The following DNAJC10 variants were observed in gnomAD, a reference collection of about 807,000 sequenced individuals.
DNAJC10 encodes endoplasmic reticulum disulfide reductase DNAJC10.
In DNAJC10, 101 loss-of-function variants were observed where a neutral mutation model predicts 115.0. The ratio of observed to expected loss-of-function variants is 0.88; its 90% CI spans 0.75 to 1.04. The LOEUF (loss-of-function observed/expected upper bound fraction) is 1.04, where lower values mean the gene tolerates loss of function less well. DNAJC10 is among the 50% of genes least tolerant of loss of function. DNAJC10 has a pLI of 0.00. For missense variants in DNAJC10, 981 were observed against 928.8 expected (o/e 1.06, Z -0.73); for synonymous variants, 307 against 301.5 (o/e 1.02, Z -0.19).
chr2:182,769,757 C>T (rs1166143875), intron 22 of DNAJC10, among the ~76,000 whole-genome samples: 1 of 151,984 alleles, frequency 6.6e-6, no homozygotes, highest in Non-Finnish European at 1.5e-5. Flanking sequence ...ACATTTTCTC[C>T]CATTCTGTAG....
At chr2:182,726,935 T>C (rs1020559226) in intron 5 of DNAJC10, among the ~76,000 whole-genome samples, 2 of 152,032 alleles carry the variant, frequency 1.3e-5, no homozygotes, top group African/African-American at 4.8e-5. Flanking sequence ...TTTCCCAGGC[T>C]GGTCTCAAAC....
In DNAJC10 at chr2:182,777,498, C is replaced by T. The variant is rs1694738916; in HGVS notation, c.*366C>T. On this transcript the variant is annotated 3_prime_UTR_variant, in exon 24 of 24. Transcript: ENST00000264065. ...GATTCAGTCCATGGACCATAGATTG[C>T]TGTCCCCCTCGACGGACTTATAATG... is the stretch of plus-strand genomic sequence containing the variant. 1 of 158,190 alleles carries T rather than the reference C, an allele frequency of 6.3e-6. No individual in the cohort carries two copies. The highest frequency in any genetic ancestry group is 1.4e-5 in the Non-Finnish European group (1 of 72,026). The allele number at this position is 158,190 out of a possible 1,614,324, so 9.8% of individuals were successfully genotyped here.
Position 182,774,818 on chromosome 2 carries a change from C to A in DNAJC10, c.2266-498C>A, listed in dbSNP as rs1315261635. Reference sequence around the variant, plus strand: ...TTTGCACTTCCCGGGTGAGACAACACCCCCCCCAATCCCCGCCCTGGCGTC... The same window carrying A: ...TTTGCACTTCCCGGGTGAGACAACAACCCCCCCAATCCCCGCCCTGGCGTC... On this transcript the variant is annotated intron_variant, in intron 22 of 23. Transcript: ENST00000264065. Among the ~76,000 whole-genome samples the A allele has an allele frequency of 8.8e-4, 17 of 19,378 alleles. No individual in the cohort carries two copies. The East Asian group carries it at 0.013, about 14-fold the overall frequency. 12.7% of individuals were successfully genotyped at this position (19,378 alleles called of 152,430 possible).
At chr2:182,736,197 T>C in intron 10 of DNAJC10, 52 bp from the exon 11 acceptor site, 2 of 1,521,554 alleles carry the variant, frequency 1.3e-6, no homozygotes, top group Admixed American at 5.1e-5. Flanking sequence ...TAAATCCCTT[T>C]AACTTTTTGC....
At chr2:182,728,449 A>G (rs1224655834) in intron 5 of DNAJC10, 127 bp from the exon 6 acceptor site, 1 of 582,802 alleles carries the variant, frequency 1.7e-6, no homozygotes, top group Non-Finnish European at 2.9e-6. Context: ...CACACAGAAA[A>G]TGAGAAAGAC....
At chr2:182,752,694 A>C in intron 16 of DNAJC10, 2 of 329,644 alleles carry the variant, frequency 6.1e-6, no homozygotes, top group Non-Finnish European at 8.4e-6. Flanking sequence ...ACGTAATATC[A>C]CGTATAAAAT....
chr2:182,757,336 A>AT (rs760810618), intron 18 of DNAJC10, among the ~76,000 whole-genome samples: 17 of 152,214 alleles, frequency 1.1e-4, no homozygotes, highest in Non-Finnish European at 2.2e-4. Flanking sequence ...AGTATAACAC[A>AT]TTAGACACCT....
rs1694997728 is a variant in DNAJC10, at chr2:182,788,874, T to C, written c.*11742T>C. 2.3e-6 allele frequency: 1 copy of C among 444,254 alleles called. No homozygotes were observed. The highest frequency in any genetic ancestry group is 2.0e-5 in the African/African-American group (1 of 49,042). The allele number at this position is 444,254 out of a possible 1,614,324, so 27.5% of individuals were successfully genotyped here. On this transcript the variant is annotated 3_prime_UTR_variant, in exon 24 of 24. Coordinates refer to ENST00000264065, the MANE Select transcript of DNAJC10 (RefSeq NM_018981.4). The stretch of plus-strand genomic sequence containing the variant: ...TCACGTTAAAGGTCATTTTGTGTCT[T>C]CTTTAAAACTCTTGATTCCTTTTAG...
intron 19 of DNAJC10, 145 bp from the exon 20 acceptor site, chr2:182,758,692 T>G (rs1049282128): frequency 7.8e-5 from 49 of 630,982 alleles, no homozygotes; most frequent in Non-Finnish European, 1.4e-4. Flanking sequence ...AACCAGAATT[T>G]GTAGCTAGGT....
At chr2:182,719,250 C>CTTTTTTTTT (rs57284693) in intron 3 of DNAJC10, among the ~76,000 whole-genome samples, 7 of 83,684 alleles carry the variant, frequency 8.4e-5, no homozygotes, top group African/African-American at 1.4e-4. Flanking sequence ...GGATTGTTTT[C>CTTTTTTTTT]TTTTTTTTTT....
chr2:182,735,873 C>T (rs1693569957), intron 10 of DNAJC10, among the ~76,000 whole-genome samples: 1 of 152,018 alleles, frequency 6.6e-6, no homozygotes, highest in Non-Finnish European at 1.5e-5. Context: ...AAAAGGATAG[C>T]CACAATGAAA....
chr2:182,775,127 A>G (rs1694671739), intron 22 of DNAJC10, among the ~76,000 whole-genome samples, 189 bp from the exon 23 acceptor site: 1 of 125,032 alleles, frequency 8.0e-6, no homozygotes, highest in Non-Finnish European at 1.7e-5. Flanking sequence ...TATTATTAGT[A>G]TTTATTTTAG....
At chr2:182,728,525 A>G (rs1207173294) in intron 5 of DNAJC10, 51 bp from the exon 6 acceptor site, 4 of 1,384,114 alleles carry the variant, frequency 2.9e-6, no homozygotes, top group African/African-American at 1.4e-5. Context: ...TAAAATATGC[A>G]TGAACCTTTA....
Position 182,729,011 on chromosome 2 carries a change from G to C in DNAJC10, c.633+17G>C. 1 of 1,611,726 alleles carries C rather than the reference G, an allele frequency of 6.2e-7. No individual in the cohort carries two copies. Among genetic ancestry groups the C allele is most frequent in the South Asian group, 1.1e-5 (1 of 90,622 alleles). On this transcript the variant is annotated intron_variant, in intron 7 of 23. Transcript: ENST00000264065. ...TCTGGAATGGTAAGGGATAAAGTTA[G>C]CATTTTTTAAATTTGTGAAACATTA...
intron 11 of DNAJC10, among the ~76,000 whole-genome samples, chr2:182,739,311 C>T (rs1693671998): frequency 6.7e-6 from 1 of 148,900 alleles, no homozygotes; most frequent in Non-Finnish European, 1.5e-5. Flanking sequence ...AATTTTTATT[C>T]TTATGTTGTA....
At chr2:182,728,147 T>C (rs1263528234) in intron 5 of DNAJC10, among the ~76,000 whole-genome samples, 1 of 152,244 alleles carries the variant, frequency 6.6e-6, no homozygotes, top group Non-Finnish European at 1.5e-5. Context: ...TAACCTGTGC[T>C]GCATGTAATA....
At chr2:182,724,079 G>C (rs1000984805) in intron 5 of DNAJC10, among the ~76,000 whole-genome samples, 5 of 152,102 alleles carry the variant, frequency 3.3e-5, no homozygotes, top group Admixed American at 6.6e-5. Context: ...GGTTAAGTAG[G>C]TTTAATCAAT....
rs1358459909 is a variant in DNAJC10 at position 182,725,968 on chromosome 2, A to G, written c.419-2608A>G. ...TCAAGTCATATTATCTAAGAAATACATTTCATAAGGCTCTACCTGCCATAG... is the reference window on the plus strand; with the variant it reads ...TCAAGTCATATTATCTAAGAAATACGTTTCATAAGGCTCTACCTGCCATAG... On this transcript the variant is annotated intron_variant, in intron 5 of 23. Coordinates refer to ENST00000264065, the MANE Select transcript of DNAJC10 (RefSeq NM_018981.4). Among the ~76,000 whole-genome samples the G allele has an allele frequency of 2.0e-5, 3 of 152,206 alleles. No homozygotes were observed. In the East Asian group the frequency reaches 5.8e-4, roughly 29 times the overall value.
In DNAJC10 at chr2:182,779,878, T is replaced by C. The variant is rs1694804168; in HGVS notation, c.*2746T>C. Reference sequence around the variant, plus strand: ...AAAATTTTTAGTAAAAGGGTAGCACTTTTAAGTCATTTGAATAGAATATTT... The same window carrying C: ...AAAATTTTTAGTAAAAGGGTAGCACCTTTAAGTCATTTGAATAGAATATTT... On this transcript the variant is annotated 3_prime_UTR_variant, in exon 24 of 24. Coordinates refer to ENST00000264065, the MANE Select transcript of DNAJC10 (RefSeq NM_018981.4). 1 of 152,192 alleles carries C rather than the reference T, an allele frequency of 6.6e-6. No individual in the cohort carries two copies. Among genetic ancestry groups the C allele is most frequent in the South Asian group, 2.1e-4 (1 of 4,836 alleles). The allele number at this position is 152,192 out of a possible 1,614,324, so 9.4% of individuals were successfully genotyped here.
Sources: allele counts gnomAD v4.1 joint callset (sites outside exome capture counted in the v4.1 genomes callset), GRCh38; gene constraint gnomAD v4.1.1; transcripts MANE v1.5; gene names NCBI Gene and HGNC (gene_info 2026-07-23, HGNC 2026-07-21).